The following GRIK3 variants were observed in gnomAD, a reference collection of about 807,000 sequenced individuals.
GRIK3 encodes the protein glutamate receptor ionotropic, kainate 3.
GRIK3 carries 29 observed loss-of-function variants against 102.5 expected under a neutral mutation model. That is an observed-to-expected ratio of 0.28 (90% CI 0.21 to 0.39). The LOEUF is 0.39. GRIK3 is among the 10% of genes least tolerant of loss of function. GRIK3 has a pLI of 1.00. For missense variants in GRIK3, 908 were observed against 1,252.4 expected, an observed-to-expected ratio of 0.73 and a Z score of 4.15; for synonymous variants, 511 against 504.9, an observed-to-expected ratio of 1.01 and a Z score of -0.16.
intron 7 of GRIK3, among the ~76,000 whole-genome samples, chr1:36,854,161 C>A (rs1041403105): frequency 1.3e-5 from 2 of 152,296 alleles, no homozygotes; most frequent in East Asian, 3.9e-4. Flanking sequence ...CAGGGGAGAC[C>A]GAAATCACCC....
intron 3 of GRIK3, among the ~76,000 whole-genome samples, chr1:36,873,502 C>A (rs1640865358): frequency 6.6e-6 from 1 of 152,084 alleles, no homozygotes; most frequent in Non-Finnish European, 1.5e-5. Context: ...GCCCCTTCCT[C>A]CCCTCCAAAG....
chr1:36,854,173 C>A (rs566700402), intron 7 of GRIK3, among the ~76,000 whole-genome samples: 45 of 152,306 alleles, frequency 3.0e-4, no homozygotes, highest in Admixed American at 1.8e-3. Flanking sequence ...AAATCACCCC[C>A]CAACCTCCCA....
intron 13 of GRIK3, among the ~76,000 whole-genome samples, chr1:36,810,579 A>C (rs997846223): frequency 1.1e-4 from 16 of 152,074 alleles, no homozygotes; most frequent in Non-Finnish European, 1.8e-4. Flanking sequence ...ATGTAAGTCT[A>C]TATATATATA....
At chr1:36,883,640 C>T (rs1641007881) in intron 2 of GRIK3, among the ~76,000 whole-genome samples, 1 of 152,194 alleles carries the variant, frequency 6.6e-6, no homozygotes. Context: ...GGCACAGGCT[C>T]CTGGTGGGTA....
chr1:37,020,609 A>G (rs947632136), intron 1 of GRIK3, among the ~76,000 whole-genome samples: 1 of 152,176 alleles, frequency 6.6e-6, no homozygotes, highest in Non-Finnish European at 1.5e-5. Context: ...AAGGCACCAA[A>G]GGTTAATGAA....
Position 36,880,864 on chromosome 1 carries a change from A to C in GRIK3, c.320T>G (p.Val107Gly). ...GCCCTGTGATGGGCCGAAGATCGCC[A>C]CCACGCCCAGTGCCAGCTGGTCACA... ...KACDQLALGVVAIFGPSQGSC... is the reference protein window; with the variant it reads ...KACDQLALGVGAIFGPSQGSC... Residue 107 changes from valine (V) to glycine (G), a missense_variant, in exon 3 of 16, where the codon GTG (valine) becomes GGG (glycine). Physicochemically the swap from Val to Gly is moderately radical, Grantham distance 109. Coordinates refer to ENST00000373091, the MANE Select transcript of GRIK3 (RefSeq NM_000831.4). This position sits in a 1 kb window ranked among gnomAD's most constrained non-coding sequence, Gnocchi z 5.4. 1 of 1,611,704 alleles carries C rather than the reference A, an allele frequency of 6.2e-7. No individual in the cohort carries two copies. Among genetic ancestry groups the C allele is most frequent in the Non-Finnish European group, 8.5e-7 (1 of 1,178,766 alleles).
chr1:36,980,199 C>CCATA (rs1204801128), intron 1 of GRIK3, among the ~76,000 whole-genome samples: 1 of 152,150 alleles, frequency 6.6e-6, no homozygotes, highest in Admixed American at 6.5e-5. Context: ...CCTGATCAGG[C>CCATA]CATAACCCTG....
chr1:36,946,097 G>A (rs898689592), intron 1 of GRIK3, among the ~76,000 whole-genome samples: 1 of 152,264 alleles, frequency 6.6e-6, no homozygotes, highest in African/African-American at 2.4e-5. Context: ...ATAGGGGCCA[G>A]GCCTGTGATC....
chr1:37,003,025 T>A (rs1314579460), intron 1 of GRIK3, among the ~76,000 whole-genome samples: 1 of 148,938 alleles, frequency 6.7e-6, no homozygotes, highest in East Asian at 1.9e-4. Context: ...GCTGTTGTTT[T>A]TTTTTTTTTT....
intron 1 of GRIK3, among the ~76,000 whole-genome samples, chr1:37,009,747 C>T (rs1642569678): frequency 6.6e-6 from 1 of 152,136 alleles, no homozygotes; most frequent in Admixed American, 6.5e-5. Context: ...TAATGCATCG[C>T]ATCATAGCTA....
intron 1 of GRIK3, among the ~76,000 whole-genome samples, chr1:37,007,073 C>T (rs983450757): frequency 4.6e-5 from 7 of 152,220 alleles, no homozygotes; most frequent in Non-Finnish European, 8.8e-5. Context: ...AGGCCCACAT[C>T]CCTGCCTTCC....
chr1:36,845,174 C>T (rs1250471482), intron 9 of GRIK3, among the ~76,000 whole-genome samples: 2 of 152,150 alleles, frequency 1.3e-5, no homozygotes, highest in African/African-American at 2.4e-5. Flanking sequence ...ATTCTGAACT[C>T]CGCCAACTAC....
intron 1 of GRIK3, among the ~76,000 whole-genome samples, chr1:36,946,562 C>A (rs964607357): frequency 2.6e-5 from 4 of 152,200 alleles, no homozygotes; most frequent in Non-Finnish European, 4.4e-5. Flanking sequence ...AGGTGGCTCT[C>A]GCATGGGAAG....
At chr1:36,988,568 T>C (rs1344661757) in intron 1 of GRIK3, among the ~76,000 whole-genome samples, 24 of 152,264 alleles carry the variant, frequency 1.6e-4, no homozygotes, top group Non-Finnish European at 1.5e-5. Context: ...CCAGAGTTCC[T>C]GTAAGTGAAG....
At position 36,868,842 on chromosome 1, in the gene GRIK3, GA is replaced by G. The variant is rs140039162; in HGVS notation, c.786+905del. Among the ~76,000 whole-genome samples the G allele has an allele frequency of 3.6e-3, 548 of 152,308 alleles. 18 individuals are homozygous for G. The East Asian group carries it at 0.078, about 22-fold the overall frequency. On this transcript the variant is annotated intron_variant, in intron 5 of 15. Coordinates refer to ENST00000373091, the MANE Select transcript of GRIK3 (RefSeq NM_000831.4). ...CTTCCCGCCTTCCACCAGACCCTCA[GA>G]ACCTACGGGGTCATAGATGCTGGGT...
intron 1 of GRIK3, among the ~76,000 whole-genome samples, chr1:37,025,400 C>T (rs568760078): frequency 6.6e-6 from 1 of 152,288 alleles, no homozygotes; most frequent in East Asian, 1.9e-4. Flanking sequence ...CGGATGGGGC[C>T]CAGCAATCTG....
rs145441176 is a variant in GRIK3, at chr1:36,973,255, G to A, written c.115+60739C>T. Among the ~76,000 whole-genome samples the A allele has an allele frequency of 5.9e-3, 895 of 152,150 alleles. 9 individuals carry two copies. The highest frequency in any genetic ancestry group is 0.021 in the African/African-American group (851 of 41,494). On this transcript the variant is annotated intron_variant, in intron 1 of 15. Transcript: ENST00000373091. ...GCAACACTCCACCCCTCCTCCCTGC[G>A]TTGGCGGCGCTGGACTTCTCTGGCC...
intron 1 of GRIK3, among the ~76,000 whole-genome samples, chr1:37,002,528 G>A (rs1199203217): frequency 2.6e-5 from 4 of 152,108 alleles, no homozygotes; most frequent in African/African-American, 9.7e-5. Flanking sequence ...CTGCATCCTC[G>A]GCTCCTTGCG....
At chr1:36,840,567 AAAAAAAAAAATT>A (rs1640434766) in intron 10 of GRIK3, among the ~76,000 whole-genome samples, 1 of 106,182 alleles carries the variant, frequency 9.4e-6, no homozygotes, top group African/African-American at 4.0e-5. Flanking sequence ...AAAAAAAAAA[AAAAAAAAAAATT>A]AGCCAGGTGG....
Sources: allele counts gnomAD v4.1 joint callset (sites outside exome capture counted in the v4.1 genomes callset), GRCh38; gene constraint gnomAD v4.1.1; non-coding constraint Gnocchi (gnomAD v3.1); transcripts MANE v1.5; gene names NCBI Gene and HGNC (gene_info 2026-07-23, HGNC 2026-07-21).